The following RANBP2 variants were observed in gnomAD, a reference collection of about 807,000 sequenced individuals.
RANBP2 encodes the protein RAN binding protein 2, also known as E3 SUMO-protein ligase RanBP2.
A neutral mutation model predicts 303.6 loss-of-function variants in RANBP2; 57 were observed. That is an observed-to-expected ratio of 0.19 (90% CI 0.15 to 0.23). The LOEUF (loss-of-function observed/expected upper bound fraction) is 0.23. Among genes scored for constraint, RANBP2 ranks in the 10% least tolerant of loss-of-function variants. The probability of loss-of-function intolerance (pLI) is 1.00; values close to 1 mark genes in which losing one functional copy is unlikely to be tolerated. For missense variants in RANBP2, 3,138 were observed against 3,780.8 expected, an observed-to-expected ratio of 0.83 and a Z score of 4.46; for synonymous variants, 1,167 against 1,301.5, an observed-to-expected ratio of 0.90 and a Z score of 2.23.
chr2:108,891,627 G>T, the RANBP2 span, among the ~76,000 whole-genome samples: 1 of 152,196 alleles, frequency 6.6e-6, no homozygotes, highest in African/African-American at 2.4e-5. Context: ...GCAGTTATTT[G>T]GCAGGCTGAT....
the RANBP2 span, among the ~76,000 whole-genome samples, chr2:109,182,147 G>T: frequency 9.7e-4 from 147 of 152,272 alleles, no homozygotes; most frequent in African/African-American, 3.1e-3. Flanking sequence ...TGCTATAGAA[G>T]AATACCACAA....
chr2:109,513,764 C>T, the RANBP2 span, among the ~76,000 whole-genome samples: 1 of 152,196 alleles, frequency 6.6e-6, no homozygotes, highest in African/African-American at 2.4e-5. Context: ...GCCTCACCTC[C>T]CCAGAGCCAG....
the RANBP2 span, among the ~76,000 whole-genome samples, chr2:109,656,068 G>A: frequency 2.6e-5 from 4 of 152,110 alleles, no homozygotes; most frequent in Non-Finnish European, 5.9e-5. Flanking sequence ...AGTCCCCAGG[G>A]GAGTCCCCTC....
the RANBP2 span, among the ~76,000 whole-genome samples, chr2:109,507,469 G>A: frequency 3.3e-5 from 5 of 152,178 alleles, no homozygotes; most frequent in East Asian, 1.9e-4. Context: ...CTTCTGTTCC[G>A]CCTGTGGTCC....
chr2:108,727,735 G>A (rs1368878696), intron 1 of RANBP2, among the ~76,000 whole-genome samples: 1 of 151,554 alleles, frequency 6.6e-6, no homozygotes, highest in African/African-American at 2.4e-5. Flanking sequence ...CCCAAGCAGT[G>A]GGGATTACAG....
the RANBP2 span, among the ~76,000 whole-genome samples, chr2:109,646,880 A>G: frequency 6.6e-6 from 1 of 152,142 alleles, no homozygotes; most frequent in Non-Finnish European, 1.5e-5. Context: ...GTAAAATGGT[A>G]ATTCTATTTT....
chr2:108,765,506 G>A lies in RANBP2; in HGVS notation c.4967G>A (p.Ser1656Asn), dbSNP rs1375405279. The A allele has an allele frequency of 1.9e-6, 3 of 1,564,876 alleles. No homozygotes were observed. The East Asian group carries it at 7.0e-5, about 36-fold the overall frequency. Residue 1656 changes from serine (S) to asparagine (N), a missense_variant, in exon 20 of 29, where the codon AGC (serine) becomes AAC (asparagine). By Grantham distance (46) the Ser-to-Asn change is conservative (BLOSUM62 1). This residue lies in a region of RANBP2 where 51 missense variants were observed against 112.1 expected (regional missense o/e 0.45). Transcript: ENST00000283195. The part of the protein sequence containing the change: ...ASSETSKAPK[S>N]GFEGMFTKKE... ...TCAGAGACAAGCAAGGCTCCAAAGA[G>A]CGGATTTGAGGGAATGTTCACTAAG...
chr2:109,009,166 C>T, the RANBP2 span, among the ~76,000 whole-genome samples: 1 of 151,586 alleles, frequency 6.6e-6, no homozygotes, highest in African/African-American at 2.4e-5. Flanking sequence ...GGTGAAACCC[C>T]GTCTCTACTA....
At chr2:109,603,348 C>T in the RANBP2 span, among the ~76,000 whole-genome samples, 1 of 152,022 alleles carries the variant, frequency 6.6e-6, no homozygotes, top group East Asian at 1.9e-4. Flanking sequence ...CATTCTCCTG[C>T]CTCAGCCTCC....
At chr2:109,052,179 A>G in the RANBP2 span, among the ~76,000 whole-genome samples, 125 of 152,362 alleles carry the variant, frequency 8.2e-4, no homozygotes, top group Non-Finnish European at 1.5e-3. Flanking sequence ...TCACTGTTCA[A>G]CTGTATTCAC....
chr2:109,432,073 C>A, the RANBP2 span, among the ~76,000 whole-genome samples: 1 of 152,180 alleles, frequency 6.6e-6, no homozygotes, highest in Non-Finnish European at 1.5e-5. Flanking sequence ...GCTTAGCTCA[C>A]CCTCAGTTTT....
chr2:109,127,301 G>GGA, the RANBP2 span: 3 of 150,004 alleles, frequency 2.0e-5, no homozygotes, highest in African/African-American at 7.3e-5. Context: ...AGAGAGAGAG[G>GGA]GAGAGAGAGA....
At chr2:108,809,447 GTTGTGT>G in the RANBP2 span, among the ~76,000 whole-genome samples, 1 of 104,744 alleles carries the variant, frequency 9.5e-6, no homozygotes, top group African/African-American at 3.9e-5. Context: ...AACATGAAAT[GTTGTGT>G]GTGTGTGTGT....
the RANBP2 span, among the ~76,000 whole-genome samples, chr2:109,643,775 A>G: frequency 3.3e-5 from 5 of 149,854 alleles, no homozygotes; most frequent in African/African-American, 1.2e-4. Context: ...AAAAACAAAC[A>G]AACAAACAAA....
the RANBP2 span, among the ~76,000 whole-genome samples, chr2:109,766,287 G>C: frequency 1.6e-3 from 244 of 151,070 alleles, 4 homozygotes; most frequent in South Asian, 0.011. Context: ...GAGGCAGGGG[G>C]CCTCGATGGG....
At chr2:108,815,953 G>A in the RANBP2 span, 2 of 1,608,536 alleles carry the variant, frequency 1.2e-6, no homozygotes, top group South Asian at 1.1e-5. Context: ...ACCACTTAAT[G>A]GGCAAGTTTA....
At chr2:109,545,724 A>G in the RANBP2 span, 2 of 1,442,858 alleles carry the variant, frequency 1.4e-6, no homozygotes, top group Non-Finnish European at 1.8e-6. Flanking sequence ...TTAGCTGTGT[A>G]CTAGGGCCAC....
At chr2:108,958,641 G>A in the RANBP2 span, among the ~76,000 whole-genome samples, 1 of 152,218 alleles carries the variant, frequency 6.6e-6, no homozygotes, top group Admixed American at 6.5e-5. Context: ...GGCAGAGCCA[G>A]GAGTCAGTCT....
the RANBP2 span, among the ~76,000 whole-genome samples, chr2:109,726,627 C>T: frequency 6.6e-6 from 1 of 152,150 alleles, no homozygotes; most frequent in African/African-American, 2.4e-5. Context: ...GCTTCCTAAC[C>T]TCACCAATCC....
Sources: allele counts gnomAD v4.1 joint callset (sites outside exome capture counted in the v4.1 genomes callset), GRCh38; gene constraint gnomAD v4.1.1; regional missense constraint gnomAD v4.1.1; transcripts MANE v1.5; gene names NCBI Gene and HGNC (gene_info 2026-07-23, HGNC 2026-07-21).